The following SLC13A2 variants were observed in gnomAD, a reference collection of about 807,000 sequenced individuals.
SLC13A2 encodes the protein Na(+)-coupled citrate transporter.
SLC13A2 carries 40 observed loss-of-function variants against 58.5 expected under a neutral mutation model. The observed-to-expected ratio is 0.68, with a 90% CI of 0.53 to 0.89. SLC13A2 has a LOEUF of 0.89. Among genes scored for constraint, SLC13A2 ranks in the 40% least tolerant of loss-of-function variants. The pLI, the probability that SLC13A2 is intolerant of heterozygous loss-of-function variation, is 0.00. For synonymous variants in SLC13A2, 341 were observed against 331.6 expected, an observed-to-expected ratio of 1.03 and a Z score of -0.31; for missense variants, 694 against 772.6, an observed-to-expected ratio of 0.90 and a Z score of 1.21.
At chr17:28,475,202 GC>G (rs2068650296) in intron 1 of SLC13A2, among the ~76,000 whole-genome samples, 1 of 152,168 alleles carries the variant, frequency 6.6e-6, no homozygotes, top group South Asian at 2.1e-4. Flanking sequence ...TCAGTAACTT[GC>G]CCAGGTCACA....
chr17:28,481,323 A>G (rs1324041061), intron 1 of SLC13A2, among the ~76,000 whole-genome samples: 1 of 152,240 alleles, frequency 6.6e-6, no homozygotes, highest in Non-Finnish European at 1.5e-5. Context: ...CTGATGCAAC[A>G]AAGTCATTCA....
In SLC13A2 at chr17:28,490,516, C is replaced by A. The variant is rs782192263; in HGVS notation, c.294C>A (p.Ile98=). The change falls in exon 3 of 12, where the codon ATC becomes ATA. Residue 98 remains isoleucine, a synonymous_variant. Transcript: ENST00000314669. ...LLFFGGLLVA[I]AVEHWNLHKR... ...TCTTCGGGGGGCTGCTGGTGGCCATCGCGGTGGAACACTGGAACCTGCATA... is the reference window on the plus strand; with the variant it reads ...TCTTCGGGGGGCTGCTGGTGGCCATAGCGGTGGAACACTGGAACCTGCATA... 6.0e-5 allele frequency: 97 copies of A among 1,614,034 alleles called. No individual in the cohort carries two copies. The Middle Eastern group carries it at 1.3e-3, about 22-fold the overall frequency.
intron 1 of SLC13A2, among the ~76,000 whole-genome samples, chr17:28,474,167 G>A (rs562942719): frequency 1.3e-5 from 2 of 152,292 alleles, no homozygotes; most frequent in East Asian, 3.9e-4. Flanking sequence ...GGCTGAGATG[G>A]GCTGGCTGTG....
At chr17:28,489,895 C>A (rs539889216) in intron 2 of SLC13A2, among the ~76,000 whole-genome samples, 1 of 152,154 alleles carries the variant, frequency 6.6e-6, no homozygotes, top group Admixed American at 6.5e-5. Context: ...AATGGAATCA[C>A]GGTAGATTAT....
rs539193748 is a variant in SLC13A2 at position 28,480,578 on chromosome 17, C to T, written c.102+6764C>T. Among the ~76,000 whole-genome samples, 10 of 152,240 alleles carry T rather than the reference C, an allele frequency of 6.6e-5. No individual in the cohort carries two copies. The South Asian group carries it at 1.7e-3, about 25-fold the overall frequency. ...AAATCCATTCAGCAGCGTGTACTGC[C>T]GTGTGACCTGACCGAGCCTCTTCAA... On this transcript the variant is annotated intron_variant, in intron 1 of 11. Coordinates refer to ENST00000314669, the MANE Select transcript of SLC13A2 (RefSeq NM_003984.4).
chr17:28,491,937 T>A, intron 6 of SLC13A2, 85 bp downstream of exon 6: 1 of 1,526,792 alleles, frequency 6.5e-7, no homozygotes, highest in Non-Finnish European at 8.8e-7. Context: ...TGGAAAATGA[T>A]ATTATCACCA....
Position 28,491,307 on chromosome 17 carries a change from C to A in SLC13A2, c.575-130C>A, listed in dbSNP as rs540087417. The A allele has an allele frequency of 7.9e-6, 8 of 1,007,390 alleles. No homozygotes were observed. In the East Asian group the frequency reaches 1.7e-4, roughly 22 times the overall value. 62.4% of individuals were successfully genotyped at this position (1,007,390 alleles called of 1,614,324 possible). A position where few individuals can be genotyped will look rare whatever the true frequency, so the allele number is the denominator to read the frequency against. On this transcript the variant is annotated intron_variant, in intron 4 of 11. Transcript: ENST00000314669. ...TGGGCCCCTCAGGCCTGGAGACATC[C>A]TCTGTCCTCCTTCCAGCCCCGGTCT...
At chr17:28,475,921 A>G (rs2068662791) in intron 1 of SLC13A2, among the ~76,000 whole-genome samples, 1 of 152,146 alleles carries the variant, frequency 6.6e-6, no homozygotes, top group Non-Finnish European at 1.5e-5. Flanking sequence ...TGAGTTATCA[A>G]TCTGTAACCC....
intron 6 of SLC13A2, among the ~76,000 whole-genome samples, chr17:28,492,144 G>A (rs782493714): frequency 6.6e-5 from 10 of 152,104 alleles, no homozygotes; most frequent in Admixed American, 1.3e-4. Context: ...ATGGTCCACC[G>A]TCCTTTGATA....
intron 1 of SLC13A2, among the ~76,000 whole-genome samples, chr17:28,474,418 G>A (rs1341027893): frequency 4.6e-5 from 7 of 152,028 alleles, no homozygotes; most frequent in African/African-American, 9.7e-5. Flanking sequence ...ACAACCAGGC[G>A]TCACTGCCTC....
chr17:28,487,570 T>C, intron 1 of SLC13A2: 1 of 985,434 alleles, frequency 1.0e-6, no homozygotes. Flanking sequence ...ACCCCAGCCC[T>C]GCTCCTTGTC....
chr17:28,496,685 A>C lies in SLC13A2; in HGVS notation c.1608+98A>C. The stretch of plus-strand genomic sequence containing the variant: ...GCAGCTTAAAGCCACTGAGAGTCTC[A>C]GAGTTGAGCGGGTCCTCATCTGGAA... On this transcript the variant is annotated intron_variant, in intron 11 of 11. Transcript: ENST00000314669. The surrounding 1 kb of genome is among the most constrained non-coding windows in gnomAD (Gnocchi z 4.2). 1 of 1,489,956 alleles carries C rather than the reference A, an allele frequency of 6.7e-7. No homozygotes were observed. Among genetic ancestry groups the C allele is most frequent in the Middle Eastern group, 1.8e-4 (1 of 5,576 alleles). 92.3% of individuals were successfully genotyped at this position (1,489,956 alleles called of 1,614,324 possible). A position where few individuals can be genotyped will look rare whatever the true frequency, so the allele number is the denominator to read the frequency against.
intron 4 of SLC13A2, 131 bp from the exon 5 acceptor site, chr17:28,491,306 C>A (rs2069013527): frequency 1.0e-6 from 1 of 996,196 alleles, no homozygotes; most frequent in African/African-American, 1.6e-5. Context: ...CTGGAGACAT[C>A]CTCTGTCCTC....
At chr17:28,490,398 G>T (rs1555602974) in intron 2 of SLC13A2, 56 bp from the exon 3 acceptor site, 1 of 1,614,046 alleles carries the variant, frequency 6.2e-7, no homozygotes, top group Non-Finnish European at 8.5e-7. Flanking sequence ...AACCTCGGGG[G>T]CACCGTGGGA....
chr17:28,487,229 C>G (rs1380173536), intron 1 of SLC13A2, among the ~76,000 whole-genome samples: 2 of 152,008 alleles, frequency 1.3e-5, no homozygotes, highest in Non-Finnish European at 2.9e-5. Flanking sequence ...CCAGCTCATT[C>G]TCCCTACACT....
At chr17:28,482,378 T>A (rs1470837130) in intron 1 of SLC13A2, among the ~76,000 whole-genome samples, 3 of 152,136 alleles carry the variant, frequency 2.0e-5, no homozygotes, top group Non-Finnish European at 4.4e-5. Flanking sequence ...ATAAAATTGG[T>A]TTCCTTTGTA....
At chr17:28,488,212 T>C (rs2068923016) in intron 1 of SLC13A2, among the ~76,000 whole-genome samples, 1 of 152,190 alleles carries the variant, frequency 6.6e-6, no homozygotes, top group Admixed American at 6.5e-5. Flanking sequence ...TCCCAAGCTT[T>C]AGGGTACTAA....
intron 1 of SLC13A2, among the ~76,000 whole-genome samples, chr17:28,477,366 T>C (rs892504152): frequency 2.0e-5 from 3 of 151,506 alleles, no homozygotes; most frequent in Admixed American, 6.6e-5. Context: ...GCTAATTTTT[T>C]TGTATTTTTA....
Position 28,494,501 on chromosome 17 carries a change from A to C in SLC13A2, c.1297A>C (p.Lys433Gln). ...GCTGGGTGGTGGCTATGCCCTGGCC[A>C]AGGGCAGTGAGGTGAGAGGCCCCCA... ...LLLGGGYALA[K>Q]GSERSGLSEW... The change falls in exon 9 of 12, where the codon AAG (lysine) becomes CAG (glutamine). Residue 433 changes from lysine (K) to glutamine (Q), a missense_variant. Lys to Gln is a moderately conservative substitution (Grantham distance 53, BLOSUM62 1). Transcript: ENST00000314669. The surrounding 1 kb of genome is among the most constrained non-coding windows in gnomAD (Gnocchi z 4.0). 6.2e-7 allele frequency: 1 copy of C among 1,613,944 alleles called. No individual in the cohort carries two copies. Among genetic ancestry groups the C allele is most frequent in the South Asian group, 1.1e-5 (1 of 91,056 alleles).
Sources: allele counts gnomAD v4.1 joint callset (sites outside exome capture counted in the v4.1 genomes callset), GRCh38; gene constraint gnomAD v4.1.1; non-coding constraint Gnocchi (gnomAD v3.1); transcripts MANE v1.5; gene names NCBI Gene and HGNC (gene_info 2026-07-23, HGNC 2026-07-21).